Variants in ADAM10 observed in about 807,000 individuals in gnomAD.
The protein encoded by ADAM10 is disintegrin and metalloproteinase domain-containing protein 10.
ADAM10 carries 17 observed loss-of-function variants against 90.1 expected under a neutral mutation model. The ratio of observed to expected loss-of-function variants is 0.19; its 90% confidence interval spans 0.13 to 0.28. The LOEUF is 0.28. Ranked by LOEUF, ADAM10 falls within the 10% of genes least tolerant of loss-of-function variation. ADAM10 has a pLI of 1.00. For synonymous variants in ADAM10, 310 were observed against 298.6 expected (o/e 1.04, Z -0.40); for missense variants, 610 against 914.3 (o/e 0.67, Z 4.29).
rs71888561 is a variant in ADAM10, at chr15:58,592,752, A to AATATATAT, written c.*4787_*4794dup. 1.4e-5 allele frequency: 2 copies of AATATATAT among 145,272 alleles called. No individual in the cohort carries two copies. The highest frequency in any genetic ancestry group is 2.1e-4 in the South Asian group (1 of 4,672). 9.0% of individuals were successfully genotyped at this position (145,272 alleles called of 1,614,324 possible). A position where few individuals can be genotyped will look rare whatever the true frequency, so the allele number is the denominator to read the frequency against. On this transcript the variant is annotated 3_prime_UTR_variant, in exon 16 of 16. Coordinates refer to ENST00000260408, the MANE Select transcript of ADAM10 (RefSeq NM_001110.4). ...ATTTCTAAGGATGGGACTCTGATTT[A>AATATATAT]ATATATATATATATATATATTAAAT...
intron 2 of ADAM10, among the ~76,000 whole-genome samples, chr15:58,684,065 A>T (rs1417594284): frequency 6.6e-6 from 1 of 152,058 alleles, no homozygotes; most frequent in East Asian, 1.9e-4. Flanking sequence ...AAATCATCTC[A>T]AAATTACTTA....
intron 1 of ADAM10, among the ~76,000 whole-genome samples, chr15:58,737,865 A>T (rs1231771157): frequency 6.6e-6 from 1 of 152,236 alleles, no homozygotes; most frequent in Non-Finnish European, 1.5e-5. Flanking sequence ...GAAAAAACAA[A>T]GAATAACTCT....
rs537346123 is a variant in ADAM10, at chr15:58,655,803, G to C, written c.585+9294C>G. On this transcript the variant is annotated intron_variant, in intron 5 of 15. Transcript: ENST00000260408. ...GCTCTGTCACCCAGACTGGAGTGCAGTGGCCGGATCTCAGCTCACTGCAAC... is the reference window on the plus strand; with the variant it reads ...GCTCTGTCACCCAGACTGGAGTGCACTGGCCGGATCTCAGCTCACTGCAAC... 2.2e-4 allele frequency among the ~76,000 whole-genome samples: 28 copies of C among 126,724 alleles called. No homozygotes were observed. The East Asian group carries it at 6.6e-3, about 30-fold the overall frequency. The allele number at this position is 126,724 out of a possible 152,430, so 83.1% of individuals were successfully genotyped here.
intron 14 of ADAM10, among the ~76,000 whole-genome samples, chr15:58,607,598 C>A (rs7165035): frequency 0.29 from 43,415 of 151,946 alleles, 8,816 homozygotes; most frequent in African/African-American, 0.57. Context: ...CAGATACTTA[C>A]TACTTAGATG....
intron 5 of ADAM10, among the ~76,000 whole-genome samples, chr15:58,647,773 G>A (rs28639679): frequency 0.28 from 42,375 of 151,980 alleles, 8,393 homozygotes; most frequent in African/African-American, 0.55. Flanking sequence ...GGCTGGTCAT[G>A]AGCTCCTGGT....
chr15:58,729,901 G>A (rs1184793944), intron 1 of ADAM10, among the ~76,000 whole-genome samples: 2 of 151,464 alleles, frequency 1.3e-5, no homozygotes, highest in East Asian at 1.9e-4. Flanking sequence ...GGCGGAGGCT[G>A]CGGCGAGCCA....
intron 5 of ADAM10, among the ~76,000 whole-genome samples, chr15:58,655,684 A>AG (rs58071407): frequency 5.5e-5 from 5 of 90,302 alleles, no homozygotes; most frequent in African/African-American, 2.5e-4. Context: ...ATACATATAT[A>AG]TATTATATAT....
intron 4 of ADAM10, among the ~76,000 whole-genome samples, chr15:58,671,282 A>C (rs1458286422): frequency 1.3e-5 from 2 of 152,246 alleles, no homozygotes. Flanking sequence ...CAAGATAGCA[A>C]GACTGCTTAT....
chr15:58,663,772 T>C (rs1403730276), intron 5 of ADAM10, among the ~76,000 whole-genome samples: 1 of 151,848 alleles, frequency 6.6e-6, no homozygotes, highest in African/African-American at 2.4e-5. Context: ...TTATAATTCT[T>C]TGTTACATTT....
chr15:58,646,336 A>G (rs779359900), intron 5 of ADAM10, 132 bp from the exon 6 acceptor site: 46 of 912,626 alleles, frequency 5.0e-5, no homozygotes, highest in Non-Finnish European at 6.9e-5. Context: ...GCTGCCATTA[A>G]AAGTTCATAA....
intron 11 of ADAM10, among the ~76,000 whole-genome samples, chr15:58,620,426 C>T (rs1394450178): frequency 1.3e-5 from 2 of 151,634 alleles, no homozygotes; most frequent in Non-Finnish European, 2.9e-5. Flanking sequence ...GAAATCATGC[C>T]ACTGCACTCC....
intron 4 of ADAM10, 121 bp from the exon 5 acceptor site, chr15:58,665,318 C>T (rs927110447): frequency 1.2e-6 from 1 of 822,358 alleles, no homozygotes; most frequent in Non-Finnish European, 2.1e-6. Flanking sequence ...GCTTATTAAG[C>T]ACCTATGGAA....
At position 58,749,599 on chromosome 15, in the gene ADAM10, G is replaced by A. The variant is rs201893981; in HGVS notation, c.-65C>T. ...TTAACAGCAGCACATCGATCCGGAG[G>A]GAGAAGCTGAAGGGGCTTGGTCCGG... is the stretch of plus-strand genomic sequence containing the variant. On this transcript the variant is annotated 5_prime_UTR_variant, in exon 1 of 16. Transcript: ENST00000260408. The A allele has an allele frequency of 7.6e-5, 117 of 1,547,786 alleles. No individual in the cohort carries two copies. The African/African-American group carries it at 1.0e-3, about 14-fold the overall frequency.
intron 1 of ADAM10, among the ~76,000 whole-genome samples, chr15:58,744,890 A>G (rs1267846260): frequency 2.0e-5 from 3 of 152,098 alleles, no homozygotes; most frequent in Non-Finnish European, 2.9e-5. Context: ...AAAATTTACA[A>G]TTGTATTCCC....
intron 4 of ADAM10, among the ~76,000 whole-genome samples, chr15:58,675,897 T>C (rs1220733983): frequency 6.6e-6 from 1 of 152,180 alleles, no homozygotes; most frequent in Non-Finnish European, 1.5e-5. Flanking sequence ...TTGCTTCTTT[T>C]TGGTAAGGAT....
At chr15:58,698,429 A>C (rs1384363251) in intron 2 of ADAM10, 1 of 313,886 alleles carries the variant, frequency 3.2e-6, no homozygotes, top group South Asian at 2.5e-5. Context: ...AAAAAAAATT[A>C]GCCCAGCATA....
intron 10 of ADAM10, 53 bp from the exon 11 acceptor site, chr15:58,621,674 T>C: frequency 6.2e-7 from 1 of 1,601,686 alleles, no homozygotes; most frequent in Non-Finnish European, 8.5e-7. Flanking sequence ...ATTAATTTTA[T>C]TTAAAATTCA....
intron 5 of ADAM10, among the ~76,000 whole-genome samples, chr15:58,648,327 G>A (rs775124897): frequency 6.6e-6 from 1 of 152,092 alleles, no homozygotes; most frequent in Non-Finnish European, 1.5e-5. Flanking sequence ...TGGTCTCCAG[G>A]TCTCAGTTTA....
At chr15:58,610,601 G>A in intron 13 of ADAM10, 84 bp from the exon 14 acceptor site, 1 of 1,399,948 alleles carries the variant, frequency 7.1e-7, no homozygotes, top group Non-Finnish European at 1.0e-6. Flanking sequence ...CAAATACAAA[G>A]AGGGAAAAAA....
Sources: gnomAD v4.1 joint callset for allele counts (sites outside exome capture counted in the v4.1 genomes callset) on GRCh38, gnomAD v4.1.1 for gene constraint, MANE v1.5 for transcripts, NCBI Gene and HGNC (gene_info 2026-07-23, HGNC 2026-07-21) for gene names.